Variants in CDH23 observed in about 807,000 individuals in gnomAD.
The protein encoded by CDH23 is cadherin related 23.
A neutral mutation model predicts 317.1 loss-of-function variants in CDH23; 189 were observed. The observed-to-expected ratio is 0.60, with a 90% CI of 0.53 to 0.67. The LOEUF (loss-of-function observed/expected upper bound fraction) is 0.67, where lower values mean the gene tolerates loss of function less well. Among genes scored for constraint, CDH23 ranks in the 30% least tolerant of loss-of-function variants. The pLI is 0.00. For missense variants in CDH23, 4,401 were observed against 4,592.4 expected (o/e 0.96, Z 1.20); for synonymous variants, 1,839 against 1,876.8 (o/e 0.98, Z 0.52).
intron 22 of CDH23, 118 bp from the exon 23 acceptor site, chr10:71,701,904 G>A: frequency 2.7e-6 from 3 of 1,093,372 alleles, no homozygotes; most frequent in South Asian, 3.0e-5. Context: ...CACTTCCTGG[G>A]CCAGAGCCAG....
chr10:71,790,375 G>A lies in CDH23; in HGVS notation c.6011G>A (p.Gly2004Asp), dbSNP rs745568647. The A allele has an allele frequency of 2.5e-6, 4 of 1,613,648 alleles. No homozygotes were observed. Among genetic ancestry groups the A allele is most frequent in the Non-Finnish European group, 2.5e-6 (3 of 1,179,842 alleles). ...IYAVVTYQLL[G>D]AQSGLFDINS... ...GCCGTGGTGACCTACCAGCTGCTGG[G>A]TGCCCAGAGTGGCCTCTTTGACATC... The change falls in exon 46 of 70, where the codon GGT becomes GAT. Residue 2004 changes from glycine (G) to aspartate (D), a missense_variant. Coordinates refer to ENST00000224721, the MANE Select transcript of CDH23 (RefSeq NM_022124.6).
intron 14 of CDH23, among the ~76,000 whole-genome samples, chr10:71,660,301 G>A (rs937132349): frequency 7.9e-5 from 12 of 152,134 alleles, no homozygotes; most frequent in Non-Finnish European, 1.2e-4. Flanking sequence ...TCAACAATGA[G>A]CCAGTACAGC....
chr10:71,810,629 G>C (rs1841887865), intron 62 of CDH23, 60 bp downstream of exon 62: 3 of 1,475,146 alleles, frequency 2.0e-6, no homozygotes, highest in Non-Finnish European at 9.5e-7. Flanking sequence ...CCCTGCCCTG[G>C]AGTAGGGGAG....
Position 71,807,318 on chromosome 10 carries a change from C to T in CDH23, c.8220C>T (p.His2740=). ...PQYQLLTVPE[H]SPRGTLVGNV... ...ACCAGCTGCTGACAGTGCCTGAGCA[C>T]TCACCACGCGGCACCCTCGTGGGCA... The change falls in exon 58 of 70, where the codon CAC becomes CAT. Residue 2740 remains histidine, a synonymous_variant. Transcript: ENST00000224721. The T allele has an allele frequency of 6.2e-7, 1 of 1,613,964 alleles. No homozygotes were observed.
intron 1 of CDH23, among the ~76,000 whole-genome samples, chr10:71,401,486 AAC>A (rs1847780714): frequency 6.6e-6 from 1 of 152,182 alleles, no homozygotes. Flanking sequence ...AGTGATCATT[AAC>A]ACACCAACCG....
intron 38 of CDH23, among the ~76,000 whole-genome samples, chr10:71,759,089 G>A (rs927913199): frequency 2.0e-5 from 3 of 151,990 alleles, no homozygotes; most frequent in African/African-American, 7.2e-5. Flanking sequence ...GCAGGCTGGA[G>A]TGCAGTGGCG....
intron 3 of CDH23, among the ~76,000 whole-genome samples, chr10:71,501,286 G>C (rs1228910949): frequency 6.6e-6 from 1 of 152,212 alleles, no homozygotes; most frequent in Non-Finnish European, 1.5e-5. Flanking sequence ...ACCTGGCAAA[G>C]AGTCATGCCC....
At chr10:71,509,893 G>T in intron 3 of CDH23, 189 bp from the exon 4 acceptor site, 1 of 614,826 alleles carries the variant, frequency 1.6e-6, no homozygotes, top group Admixed American at 2.5e-5. Context: ...GTGACAAGTG[G>T]ACCAGGGTGG....
At chr10:71,616,474 G>C (rs764615207) in intron 10 of CDH23, among the ~76,000 whole-genome samples, 18 of 152,256 alleles carry the variant, frequency 1.2e-4, no homozygotes, top group Non-Finnish European at 1.6e-4. Context: ...GAGGTGGTCA[G>C]CTCTACCAGA....
intron 1 of CDH23, among the ~76,000 whole-genome samples, chr10:71,421,940 C>G (rs1211178082): frequency 6.6e-6 from 1 of 152,024 alleles, no homozygotes; most frequent in East Asian, 1.9e-4. Context: ...AGAGGAAAGG[C>G]ATCCTTATTA....
chr10:71,474,880 G>A (rs1851708616), intron 3 of CDH23, among the ~76,000 whole-genome samples: 1 of 152,224 alleles, frequency 6.6e-6, no homozygotes, highest in African/African-American at 2.4e-5. Context: ...GAATAAACCT[G>A]GATTCTTACT....
intron 6 of CDH23, among the ~76,000 whole-genome samples, chr10:71,554,184 T>C (rs1856754561): frequency 6.6e-6 from 1 of 152,182 alleles, no homozygotes; most frequent in Admixed American, 6.5e-5. Context: ...GTTTTCTTTT[T>C]TGTTTTGTCG....
chr10:71,432,541 A>AGT (rs376695740), intron 1 of CDH23, among the ~76,000 whole-genome samples: 8 of 150,914 alleles, frequency 5.3e-5, no homozygotes, highest in East Asian at 2.0e-4. Context: ...TGTGTGAGAG[A>AGT]GTGTGTGTGT....
At chr10:71,606,659 A>G (rs1860541862) in intron 9 of CDH23, among the ~76,000 whole-genome samples, 1 of 152,208 alleles carries the variant, frequency 6.6e-6, no homozygotes, top group South Asian at 2.1e-4. Context: ...ACAATAAGAA[A>G]CACATAAACA....
At chr10:71,581,227 C>T (rs1858605432) in intron 9 of CDH23, among the ~76,000 whole-genome samples, 1 of 152,244 alleles carries the variant, frequency 6.6e-6, no homozygotes, top group Non-Finnish European at 1.5e-5. Context: ...GGGCCTGCCC[C>T]AGCCCTAGCT....
At chr10:71,793,001 TATAAA>T (rs1484803251) in intron 47 of CDH23, among the ~76,000 whole-genome samples, 176 bp from the exon 48 acceptor site, 1 of 151,584 alleles carries the variant, frequency 6.6e-6, no homozygotes, top group African/African-American at 2.4e-5. Flanking sequence ...AATCAAAGAA[TATAAA>T]ATAAAATAAC....
rs765599852 is a variant in CDH23, at chr10:71,785,076, G to A, written c.5688G>A (p.Glu1896=). ...TCAACATCACTGCGGGCAACCGCGA[G>A]CGGGCCTTCTTCATCAATGCCACGG... ...LTFNITAGNR[E]RAFFINATTG... is the part of the protein sequence containing the mutation. The change falls in exon 43 of 70, where the codon GAG becomes GAA. Residue 1896 remains glutamate (E), a synonymous_variant. Coordinates refer to ENST00000224721, the MANE Select transcript of CDH23 (RefSeq NM_022124.6). The A allele has an allele frequency of 2.5e-5, 40 of 1,613,910 alleles. 1 individual carries two copies. The Admixed American group carries it at 6.5e-4, about 26-fold the overall frequency.
chr10:71,679,942 C>T (rs778954826), intron 17 of CDH23, among the ~76,000 whole-genome samples: 1 of 152,306 alleles, frequency 6.6e-6, no homozygotes, highest in African/African-American at 2.4e-5. Flanking sequence ...ATAGCAGCAA[C>T]CTCAAGCTCC....
intron 6 of CDH23, among the ~76,000 whole-genome samples, chr10:71,519,683 C>T (rs1182305477): frequency 6.6e-6 from 1 of 152,204 alleles, no homozygotes; most frequent in Non-Finnish European, 1.5e-5. Flanking sequence ...TAGGGATACA[C>T]TGAGTTGTGA....
Sources: gnomAD v4.1 joint callset for allele counts (sites outside exome capture counted in the v4.1 genomes callset) on GRCh38, gnomAD v4.1.1 for gene constraint, MANE v1.5 for transcripts, NCBI Gene and HGNC (gene_info 2026-07-23, HGNC 2026-07-21) for gene names.